NCKAP5: variants seen among roughly 807,000 people sequenced by gnomAD.
NCKAP5 encodes the protein NCK associated protein 5.
A neutral mutation model predicts 167.0 loss-of-function variants in NCKAP5; 92 were observed. The observed-to-expected ratio is 0.55, with a 90% CI of 0.47 to 0.66. The LOEUF (loss-of-function observed/expected upper bound fraction) is 0.66, where lower values mean the gene tolerates loss of function less well. Among genes scored for constraint, NCKAP5 ranks in the 30% least tolerant of loss-of-function variants. NCKAP5 has a pLI of 0.00. For missense variants in NCKAP5, 2,378 were observed against 2,315.0 expected, an observed-to-expected ratio of 1.03 and a Z score of -0.56; for synonymous variants, 891 against 877.4, an observed-to-expected ratio of 1.02 and a Z score of -0.27.
At chr2:133,118,097 T>A (rs1476986863) in intron 6 of NCKAP5, 1 of 150,416 alleles carries the variant, frequency 6.6e-6, no homozygotes, top group Non-Finnish European at 1.5e-5. Flanking sequence ...TGAATCCATT[T>A]CTGGCTGGCA....
chr2:132,917,947 T>C (rs1277834996), intron 8 of NCKAP5, among the ~76,000 whole-genome samples: 2 of 152,176 alleles, frequency 1.3e-5, no homozygotes, highest in African/African-American at 2.4e-5. Context: ...CTAGCTATCA[T>C]TGGCTGCAAG....
In NCKAP5 at chr2:132,956,883, C is replaced by T. The variant is rs746586881; in HGVS notation, c.579+6837G>A. Among the ~76,000 whole-genome samples the T allele has an allele frequency of 5.7e-4, 87 of 152,170 alleles. 2 individuals are homozygous for T. Among genetic ancestry groups the T allele is most frequent in the Non-Finnish European group, 9.0e-4 (61 of 68,036 alleles). On this transcript the variant is annotated intron_variant, in intron 8 of 19. Coordinates refer to ENST00000409261, the MANE Select transcript of NCKAP5 (RefSeq NM_207363.3). Reference sequence around the variant, plus strand: ...CTACAACACTTCACCTTCCATTTTCCTCCTACCACACCAGACACTCTCCCC... The same window carrying T: ...CTACAACACTTCACCTTCCATTTTCTTCCTACCACACCAGACACTCTCCCC...
At chr2:133,141,179 T>A (rs2082982691) in intron 5 of NCKAP5, among the ~76,000 whole-genome samples, 1 of 152,248 alleles carries the variant, frequency 6.6e-6, no homozygotes. Context: ...TCATCTTCTT[T>A]CCCTTACCAT....
intron 7 of NCKAP5, among the ~76,000 whole-genome samples, chr2:132,976,088 G>C (rs1482079502): frequency 6.6e-6 from 1 of 152,180 alleles, no homozygotes; most frequent in South Asian, 2.1e-4. Context: ...ACAAATGGAT[G>C]AACCTGGAGG....
intron 6 of NCKAP5, among the ~76,000 whole-genome samples, chr2:133,128,737 A>G (rs896650509): frequency 5.3e-5 from 8 of 152,174 alleles, no homozygotes; most frequent in African/African-American, 1.9e-4. Context: ...AGCTGGGAAT[A>G]CAGGCACCTG....
chr2:133,297,166 A>AGTGTGTGT (rs60321858), intron 4 of NCKAP5, among the ~76,000 whole-genome samples: 2,648 of 142,140 alleles, frequency 0.019, 34 homozygotes, highest in Non-Finnish European at 0.025. Context: ...AGGTTGTCAC[A>AGTGTGTGT]GTGTGTGTGT....
chr2:132,816,978 T>C (rs1686324735), intron 11 of NCKAP5, among the ~76,000 whole-genome samples: 1 of 152,226 alleles, frequency 6.6e-6, no homozygotes, highest in South Asian at 2.1e-4. Context: ...AATGTCTATC[T>C]ATAATTACTA....
At position 132,768,537 on chromosome 2, in the gene NCKAP5, A is replaced by G. The variant is rs573816133; in HGVS notation, c.5128+5279T>C. On this transcript the variant is annotated intron_variant, in intron 16 of 19. Coordinates refer to ENST00000409261, the MANE Select transcript of NCKAP5 (RefSeq NM_207363.3). ...CTAGCCATTTGCTTTGTTTAGTCTG[A>G]CATTTATGGGGGCAATTTTAAAGAA... 1.1e-4 allele frequency among the ~76,000 whole-genome samples: 16 copies of G among 152,216 alleles called. No homozygotes were observed. In the South Asian group the frequency reaches 3.3e-3, roughly 32 times the overall value.
chr2:133,174,489 C>T (rs924871640), intron 5 of NCKAP5, among the ~76,000 whole-genome samples: 5 of 152,146 alleles, frequency 3.3e-5, no homozygotes, highest in African/African-American at 1.2e-4. Context: ...ATTTTAGCAT[C>T]CATCATTATG....
At chr2:133,603,752 G>T in the NCKAP5 span, among the ~76,000 whole-genome samples, 1 of 151,710 alleles carries the variant, frequency 6.6e-6, no homozygotes, top group Admixed American at 6.6e-5. Context: ...GGTCAGGCTG[G>T]TCTTGAACTC....
intron 6 of NCKAP5, among the ~76,000 whole-genome samples, chr2:133,089,529 C>T (rs910746319): frequency 6.6e-6 from 1 of 152,166 alleles, no homozygotes; most frequent in Non-Finnish European, 1.5e-5. Context: ...CTGTTGAGGG[C>T]ATAGTCTACC....
At chr2:132,894,370 TG>T (rs1165784712) in intron 8 of NCKAP5, among the ~76,000 whole-genome samples, 5 of 152,186 alleles carry the variant, frequency 3.3e-5, no homozygotes, top group African/African-American at 1.2e-4. Flanking sequence ...TTAATAGAAA[TG>T]GGTAACAAAG....
At chr2:133,629,324 C>T in the NCKAP5 span, among the ~76,000 whole-genome samples, 1 of 152,028 alleles carries the variant, frequency 6.6e-6, no homozygotes, top group African/African-American at 2.4e-5. Flanking sequence ...GTGCAAATGA[C>T]ATGAACAGAC....
At chr2:132,678,912 G>A (rs2105013456) in intron 19 of NCKAP5, among the ~76,000 whole-genome samples, 1 of 152,148 alleles carries the variant, frequency 6.6e-6, no homozygotes, top group East Asian at 1.9e-4. Flanking sequence ...TTACATTAAA[G>A]GTTTTTTTGA....
chr2:133,564,169 C>T (rs1299870161), intron 1 of NCKAP5, among the ~76,000 whole-genome samples: 5 of 152,006 alleles, frequency 3.3e-5, no homozygotes, highest in African/African-American at 1.2e-4. Context: ...GGGTTCAAAT[C>T]CTGCCTCTGC....
intron 5 of NCKAP5, among the ~76,000 whole-genome samples, chr2:133,177,258 A>C (rs1022087144): frequency 4.0e-5 from 6 of 151,710 alleles, no homozygotes; most frequent in Non-Finnish European, 7.4e-5. Flanking sequence ...TAAGGCTTAC[A>C]ATGACTCAGG....
chr2:132,933,160 C>T (rs1384687468), intron 8 of NCKAP5, among the ~76,000 whole-genome samples: 11 of 152,104 alleles, frequency 7.2e-5, no homozygotes, highest in African/African-American at 1.2e-4. Flanking sequence ...CTTCTGACCT[C>T]ATGATCTGCC....
intron 3 of NCKAP5, among the ~76,000 whole-genome samples, chr2:133,336,272 C>G (rs1489630279): frequency 3.3e-5 from 5 of 152,054 alleles, no homozygotes; most frequent in African/African-American, 7.2e-5. Context: ...TATTATTACT[C>G]TTACATATAA....
intron 4 of NCKAP5, among the ~76,000 whole-genome samples, chr2:133,259,969 T>C (rs536724344): frequency 7.9e-5 from 12 of 152,156 alleles, no homozygotes; most frequent in Non-Finnish European, 1.3e-4. Flanking sequence ...AAGTATGAGG[T>C]ACAGAGACAC....
Sources: gnomAD v4.1 joint callset for allele counts (sites outside exome capture counted in the v4.1 genomes callset) on GRCh38, gnomAD v4.1.1 for gene constraint, MANE v1.5 for transcripts, NCBI Gene and HGNC (gene_info 2026-07-23, HGNC 2026-07-21) for gene names.